NRXN1: variants seen among roughly 807,000 people sequenced by gnomAD.
NRXN1 encodes neurexin 1, also known as neurexin-1.
NRXN1 carries 39 observed loss-of-function variants against 150.9 expected under a neutral mutation model. The observed-to-expected ratio is 0.26, with a 90% CI of 0.20 to 0.34. The LOEUF (loss-of-function observed/expected upper bound fraction) is 0.34. NRXN1 is among the 10% of genes least tolerant of loss of function. The pLI, the probability that NRXN1 is intolerant of heterozygous loss-of-function variation, is 1.00. For synonymous variants in NRXN1, 924 were observed against 757.0 expected (o/e 1.22, Z -3.62); for missense variants, 1,815 against 1,949.9 (o/e 0.93, Z 1.30).
intron 3 of NRXN1, among the ~76,000 whole-genome samples, chr2:50,924,532 C>A (rs1237296873): frequency 1.3e-5 from 2 of 151,450 alleles, no homozygotes; most frequent in East Asian, 1.9e-4. Context: ...TGAAAAGATA[C>A]CTCTAAAAAA....
intron 2 of NRXN1, among the ~76,000 whole-genome samples, chr2:50,942,268 GC>G (rs1250754961): frequency 6.6e-6 from 1 of 152,182 alleles, no homozygotes; most frequent in African/African-American, 2.4e-5. Flanking sequence ...TGGGAATGGA[GC>G]CCACATGGAG....
At chr2:50,126,002 T>C (rs1315458955) in intron 18 of NRXN1, among the ~76,000 whole-genome samples, 7 of 152,116 alleles carry the variant, frequency 4.6e-5, no homozygotes, top group African/African-American at 1.7e-4. Context: ...ATATGCTGTT[T>C]TATTCAATGG....
At chr2:50,272,728 A>C (rs571397540) in intron 17 of NRXN1, among the ~76,000 whole-genome samples, 11 of 152,226 alleles carry the variant, frequency 7.2e-5, no homozygotes, top group African/African-American at 2.4e-4. Flanking sequence ...TAATCTCCCC[A>C]AAAGGGAACT....
intron 5 of NRXN1, among the ~76,000 whole-genome samples, chr2:50,749,616 G>A (rs1700368820): frequency 6.6e-6 from 1 of 152,016 alleles, no homozygotes; most frequent in South Asian, 2.1e-4. Context: ...AATTCAAAAG[G>A]AAGAATATGA....
chr2:50,455,278 A>C (rs2087432746), intron 17 of NRXN1, among the ~76,000 whole-genome samples: 1 of 152,148 alleles, frequency 6.6e-6, no homozygotes, highest in African/African-American at 2.4e-5. Context: ...CAAAACCATA[A>C]ATGAGAGATA....
At chr2:49,995,931 ACT>A (rs1166985616) in intron 21 of NRXN1, among the ~76,000 whole-genome samples, 11 of 149,452 alleles carry the variant, frequency 7.4e-5, no homozygotes, top group Non-Finnish European at 1.3e-4. Context: ...GGGTCTCATG[ACT>A]CTGTCAAAAT....
intron 18 of NRXN1, among the ~76,000 whole-genome samples, chr2:50,231,140 T>C (rs2064901010): frequency 6.6e-6 from 1 of 152,096 alleles, no homozygotes; most frequent in Admixed American, 6.6e-5. Context: ...GGACTGAATC[T>C]GAATACTATA....
chr2:50,148,131 T>C (rs1015644887), intron 18 of NRXN1, among the ~76,000 whole-genome samples: 5 of 151,658 alleles, frequency 3.3e-5, no homozygotes, highest in Non-Finnish European at 7.4e-5. Context: ...ACAAAAGCAG[T>C]ACTGATGATG....
At chr2:50,907,250 G>C (rs1473529842) in intron 5 of NRXN1, among the ~76,000 whole-genome samples, 1 of 150,722 alleles carries the variant, frequency 6.6e-6, no homozygotes, top group Admixed American at 6.6e-5. Flanking sequence ...ATTACCATTA[G>C]ATTATACTCT....
chr2:50,212,152 T>C (rs369003579), intron 18 of NRXN1, among the ~76,000 whole-genome samples: 1 of 151,952 alleles, frequency 6.6e-6, no homozygotes, highest in Admixed American at 6.6e-5. Flanking sequence ...TTTCCAAATT[T>C]ATAATTGAAA....
intron 5 of NRXN1, 146 bp from the exon 6 acceptor site, chr2:50,623,761 A>C: frequency 1.6e-6 from 1 of 624,582 alleles, no homozygotes; most frequent in Non-Finnish European, 2.8e-6. Context: ...GTCAAACAGT[A>C]CTGTACAGGG....
In NRXN1 at chr2:50,602,117, A is replaced by G. The variant is rs565047505; in HGVS notation, c.1320+17905T>C. Among the ~76,000 whole-genome samples the G allele has an allele frequency of 2.6e-5, 4 of 152,258 alleles. No individual in the cohort carries two copies. The South Asian group carries it at 8.3e-4, about 32-fold the overall frequency. ...CTTTAAAATTTTAAGGCCTTATGCAAAAGGCTGAAAATCTAAATGGCTAAG... is the reference window on the plus strand; with the variant it reads ...CTTTAAAATTTTAAGGCCTTATGCAGAAGGCTGAAAATCTAAATGGCTAAG... On this transcript the variant is annotated intron_variant, in intron 8 of 22. Transcript: ENST00000401669.
intron 17 of NRXN1, among the ~76,000 whole-genome samples, chr2:50,239,952 G>T: frequency 6.6e-6 from 1 of 151,062 alleles, no homozygotes; most frequent in East Asian, 1.9e-4. Flanking sequence ...TTAACATTTA[G>T]TTGGGGTACA....
intron 18 of NRXN1, among the ~76,000 whole-genome samples, chr2:50,128,883 C>G (rs1409083354): frequency 6.6e-6 from 1 of 151,348 alleles, no homozygotes; most frequent in Non-Finnish European, 1.5e-5. Context: ...CTCAGAGGGC[C>G]AAGGCAGGAG....
chr2:50,854,654 TCTGA>T (rs1244305646), intron 5 of NRXN1, among the ~76,000 whole-genome samples: 1 of 152,072 alleles, frequency 6.6e-6, no homozygotes, highest in African/African-American at 2.4e-5. Flanking sequence ...ATTTTGCTTT[TCTGA>T]CTACTATTCA....
chr2:50,657,577 G>A (rs778876961), intron 5 of NRXN1, among the ~76,000 whole-genome samples: 4 of 152,010 alleles, frequency 2.6e-5, no homozygotes, highest in Non-Finnish European at 1.5e-5. Flanking sequence ...TATTCCCTGT[G>A]ACAGAATGTC....
intron 19 of NRXN1, among the ~76,000 whole-genome samples, chr2:50,058,333 G>T (rs1573655104): frequency 1.3e-5 from 2 of 152,066 alleles, no homozygotes; most frequent in Admixed American, 1.3e-4. Flanking sequence ...TATAAGAAAG[G>T]TAGCCACACA....
chr2:50,965,054 T>C (rs1210154956), intron 2 of NRXN1, among the ~76,000 whole-genome samples: 1 of 151,442 alleles, frequency 6.6e-6, no homozygotes, highest in Non-Finnish European at 1.5e-5. Context: ...AAGGATCTAT[T>C]TCAGTAGCAA....
rs551435354 is a variant in NRXN1, at chr2:50,573,365, A to G, written c.1321-20340T>C. Among the ~76,000 whole-genome samples the G allele has an allele frequency of 4.3e-4, 19 of 44,440 alleles. No homozygotes were observed. In the East Asian group the frequency reaches 0.065, roughly 153 times the overall value. 29.2% of individuals were successfully genotyped at this position (44,440 alleles called of 152,430 possible). A position where few individuals can be genotyped will look rare whatever the true frequency, so the allele number is the denominator to read the frequency against. ...GTGACAGAGAGACACTCTGTCTTTA[A>G]AAAAAAAAAACGGAATCTAAAGTCA... On this transcript the variant is annotated intron_variant, in intron 8 of 22. Coordinates refer to ENST00000401669, the MANE Select transcript of NRXN1 (RefSeq NM_001330078.2).
Sources: allele counts gnomAD v4.1 joint callset (sites outside exome capture counted in the v4.1 genomes callset), GRCh38; gene constraint gnomAD v4.1.1; transcripts MANE v1.5; gene names NCBI Gene and HGNC (gene_info 2026-07-23, HGNC 2026-07-21).